Variants in TMEM17 observed in about 807,000 individuals in gnomAD.
The protein encoded by TMEM17 is transmembrane protein 17.
In TMEM17, 15 loss-of-function variants were observed where a neutral mutation model predicts 19.1. The observed-to-expected ratio is 0.78, with a 90% CI of 0.52 to 1.21. The LOEUF (loss-of-function observed/expected upper bound fraction) is 1.21, where lower values mean the gene tolerates loss of function less well. TMEM17 is among the 50% of genes most tolerant of loss of function. The pLI is 0.00. For synonymous variants in TMEM17, 103 were observed against 86.9 expected (o/e 1.19, Z -1.03); for missense variants, 245 against 242.3 (o/e 1.01, Z -0.07).
the TMEM17 span, among the ~76,000 whole-genome samples, chr2:62,486,619 A>G: frequency 6.6e-6 from 1 of 152,204 alleles, no homozygotes; most frequent in African/African-American, 2.4e-5. Context: ...TCCTGCTAAC[A>G]GGGAAATTAG....
chr2:62,477,051 C>T, the TMEM17 span, among the ~76,000 whole-genome samples: 5 of 152,112 alleles, frequency 3.3e-5, no homozygotes, highest in African/African-American at 7.2e-5. Flanking sequence ...AGTCAACATA[C>T]GGTGTGTTAT....
chr2:62,471,705 C>T, the TMEM17 span, among the ~76,000 whole-genome samples: 58 of 152,108 alleles, frequency 3.8e-4, no homozygotes, highest in Admixed American at 1.8e-3. Flanking sequence ...AGAATTTGTC[C>T]GGTGCCTAGG....
At chr2:62,480,698 T>TA in the TMEM17 span, among the ~76,000 whole-genome samples, 499 of 151,916 alleles carry the variant, frequency 3.3e-3, 3 homozygotes, top group African/African-American at 0.01. Context: ...GGCCCCTTCG[T>TA]AAAAAAAAAT....
downstream of TMEM17, among the ~76,000 whole-genome samples, chr2:62,497,123 T>C (rs1341165493): frequency 6.6e-6 from 1 of 152,254 alleles, no homozygotes; most frequent in African/African-American, 2.4e-5. Context: ...TAAAACACTA[T>C]AGTAGGTTCT....
chr2:62,506,003 C>A, intron 1 of TMEM17, 27 bp downstream of exon 1: 1 of 1,585,046 alleles, frequency 6.3e-7, no homozygotes, highest in South Asian at 1.1e-5. Context: ...CAGGCCACAC[C>A]CCCTGCACCG....
At chr2:62,479,084 TCTC>T in the TMEM17 span, among the ~76,000 whole-genome samples, 34 of 152,328 alleles carry the variant, frequency 2.2e-4, no homozygotes, top group Non-Finnish European at 3.5e-4. Flanking sequence ...CATTCACTAT[TCTC>T]CTTCTAGCTG....
At chr2:62,467,411 C>T in the TMEM17 span, among the ~76,000 whole-genome samples, 4 of 152,180 alleles carry the variant, frequency 2.6e-5, no homozygotes, top group Non-Finnish European at 5.9e-5. Flanking sequence ...AAAGTCCCTT[C>T]CTACTTTAAC....
the TMEM17 span, among the ~76,000 whole-genome samples, chr2:62,460,646 C>A: frequency 6.6e-6 from 1 of 152,194 alleles, no homozygotes; most frequent in East Asian, 1.9e-4. Flanking sequence ...ATCAGATAAA[C>A]TTAAGAACAG....
chr2:62,483,905 A>T, the TMEM17 span, among the ~76,000 whole-genome samples: 1 of 152,008 alleles, frequency 6.6e-6, no homozygotes, highest in Non-Finnish European at 1.5e-5. Context: ...CCGGCCTACG[A>T]TACAGATTTG....
At chr2:62,502,401 A>T in intron 3 of TMEM17, 36 bp downstream of exon 3, 2 of 1,395,392 alleles carry the variant, frequency 1.4e-6, no homozygotes, top group Non-Finnish European at 2.0e-6. Flanking sequence ...GATTTCATTT[A>T]TATCTATCAC....
rs1679965185 is a variant in TMEM17 at position 62,502,750 on chromosome 2, A to G, written c.145T>C (p.Phe49Leu). Residue 49 changes from phenylalanine (F) to leucine (L), a missense_variant, in exon 2 of 4, where the codon TTT (phenylalanine) becomes CTT (leucine). Physicochemically the swap from Phe to Leu is conservative, Grantham distance 22. Coordinates refer to ENST00000335390, the MANE Select transcript of TMEM17 (RefSeq NM_198276.3). The stretch of plus-strand genomic sequence containing the variant: ...CACAGTGGGAAATAGTAGGTATTAA[A>G]ATAAAGTGACATCTGCAGTGCCAAA... ...SSLALQMSLY[F>L]NTYYFPLWWV... 3.1e-6 allele frequency: 5 copies of G among 1,609,450 alleles called. No homozygotes were observed. The highest frequency in any genetic ancestry group is 4.2e-6 in the Non-Finnish European group (5 of 1,178,702).
the TMEM17 span, among the ~76,000 whole-genome samples, chr2:62,466,201 A>G: frequency 8.5e-5 from 13 of 152,262 alleles, no homozygotes; most frequent in African/African-American, 2.6e-4. Flanking sequence ...AGTGAAGGAT[A>G]AACTCCAGCC....
At chr2:62,488,475 A>C in the TMEM17 span, among the ~76,000 whole-genome samples, 14 of 148,616 alleles carry the variant, frequency 9.4e-5, no homozygotes, top group South Asian at 2.4e-3. Context: ...CTTTTTTTTT[A>C]AATAAAGGAT....
At chr2:62,457,070 T>C in the TMEM17 span, among the ~76,000 whole-genome samples, 1 of 152,214 alleles carries the variant, frequency 6.6e-6, no homozygotes, top group African/African-American at 2.4e-5. The surrounding 1 kb of genome is among the most constrained non-coding windows in gnomAD (Gnocchi z 4.2). Context: ...CGGGCCTCTC[T>C]GCTCTCCCGA....
chr2:62,480,733 C>G, the TMEM17 span, among the ~76,000 whole-genome samples: 1 of 152,136 alleles, frequency 6.6e-6, no homozygotes, highest in Non-Finnish European at 1.5e-5. Context: ...TACATGGACT[C>G]ATTTCTAGGT....
chr2:62,497,668 A>G (rs1436566629), downstream of TMEM17, among the ~76,000 whole-genome samples: 6 of 152,204 alleles, frequency 3.9e-5, no homozygotes, highest in East Asian at 9.6e-4. Flanking sequence ...CTTTTCTACC[A>G]GACAGGGAAC....
the TMEM17 span, among the ~76,000 whole-genome samples, chr2:62,493,478 T>A: frequency 6.6e-5 from 10 of 152,242 alleles, no homozygotes; most frequent in African/African-American, 2.4e-4. Flanking sequence ...ATTGCTATCC[T>A]ACTTGATCTG....
the TMEM17 span, among the ~76,000 whole-genome samples, chr2:62,466,168 G>T: frequency 6.6e-6 from 1 of 152,166 alleles, no homozygotes; most frequent in South Asian, 2.1e-4. Context: ...TAGGAGTTTG[G>T]AATGTAAAGT....
the TMEM17 span, among the ~76,000 whole-genome samples, chr2:62,455,666 C>G: frequency 1.3e-5 from 2 of 152,182 alleles, no homozygotes; most frequent in Non-Finnish European, 2.9e-5. Context: ...ACTCGGGAGG[C>G]TGAGGCAGGA....
Sources: allele counts gnomAD v4.1 joint callset (sites outside exome capture counted in the v4.1 genomes callset), GRCh38; gene constraint gnomAD v4.1.1; non-coding constraint Gnocchi (gnomAD v3.1); transcripts MANE v1.5; gene names NCBI Gene and HGNC (gene_info 2026-07-23, HGNC 2026-07-21).